The following CSMD1 variants were observed in gnomAD, a reference collection of about 807,000 sequenced individuals.
CSMD1 encodes the protein CUB and Sushi multiple domains 1.
CSMD1 carries 213 observed loss-of-function variants against 417.5 expected under a neutral mutation model. The observed-to-expected ratio is 0.51, with a 90% CI of 0.46 to 0.57. The LOEUF is 0.57. CSMD1 is among the 20% of genes least tolerant of loss of function. The probability of loss-of-function intolerance (pLI) is 0.00; values close to 1 mark genes in which losing one functional copy is unlikely to be tolerated. For synonymous variants in CSMD1, 2,862 were observed against 1,736.8 expected (o/e 1.65, Z -16.11); for missense variants, 6,923 against 4,529.7 (o/e 1.53, Z -15.17).
At chr8:3,966,786 T>A (rs527956373) in intron 5 of CSMD1, among the ~76,000 whole-genome samples, 7 of 152,072 alleles carry the variant, frequency 4.6e-5, no homozygotes, top group African/African-American at 1.7e-4. Context: ...GATTTATAGG[T>A]CTTAGATTAA....
chr8:3,616,831 A>G, intron 7 of CSMD1, 34 bp from the exon 8 acceptor site: 1 of 1,454,796 alleles, frequency 6.9e-7, no homozygotes, highest in Non-Finnish European at 9.5e-7. Context: ...AAAATGCTGT[A>G]TAGTTATTGA....
At chr8:4,034,757 A>G (rs1797529110) in intron 3 of CSMD1, among the ~76,000 whole-genome samples, 1 of 152,202 alleles carries the variant, frequency 6.6e-6, no homozygotes, top group South Asian at 2.1e-4. Flanking sequence ...ATAAATCAAC[A>G]TGTCTTCTTA....
rs112225732 is a variant in CSMD1, at chr8:3,930,458, C to G, written c.818+67445G>C. Among the ~76,000 whole-genome samples, 1,384 of 150,586 alleles carry G rather than the reference C, an allele frequency of 9.2e-3. 80 individuals are homozygous for G. The highest frequency in any genetic ancestry group is 0.03 in the African/African-American group (1,231 of 40,860). ...CTGTTCTTCTTCCTTATTTGAAGGT[C>G]TTTTTACCTTTCTCACCATTCCACA... On this transcript the variant is annotated intron_variant, in intron 5 of 69. Coordinates refer to ENST00000635120, the MANE Select transcript of CSMD1 (RefSeq NM_033225.6).
chr8:4,981,825 T>G (rs1453402339), intron 1 of CSMD1, among the ~76,000 whole-genome samples: 1 of 152,128 alleles, frequency 6.6e-6, no homozygotes, highest in African/African-American at 2.4e-5. Context: ...TGTGATTATG[T>G]GTACAGGATT....
chr8:3,783,844 T>C (rs771057167), intron 5 of CSMD1, among the ~76,000 whole-genome samples: 3 of 152,334 alleles, frequency 2.0e-5, no homozygotes, highest in Non-Finnish European at 4.4e-5. Flanking sequence ...TTAATATTGA[T>C]GGATGACTGT....
chr8:3,356,321 C>G (rs1359344873), intron 21 of CSMD1, among the ~76,000 whole-genome samples: 3 of 152,150 alleles, frequency 2.0e-5, no homozygotes, highest in African/African-American at 7.2e-5. Context: ...ATACACAGAA[C>G]TTAGGGATGA....
At chr8:4,573,956 G>A (rs987872156) in intron 2 of CSMD1, among the ~76,000 whole-genome samples, 1 of 152,130 alleles carries the variant, frequency 6.6e-6, no homozygotes, top group African/African-American at 2.4e-5. Flanking sequence ...CCTCAGTAAT[G>A]GCAGACATCC....
chr8:3,148,527 A>C (rs1313715134), intron 40 of CSMD1, among the ~76,000 whole-genome samples: 1 of 152,232 alleles, frequency 6.6e-6, no homozygotes. Context: ...ACGCTGCTTT[A>C]AAACTCATGT....
At chr8:4,386,664 T>C (rs995967555) in intron 3 of CSMD1, among the ~76,000 whole-genome samples, 18 of 152,280 alleles carry the variant, frequency 1.2e-4, no homozygotes, top group African/African-American at 4.3e-4. Flanking sequence ...TTCAGGAAGA[T>C]TACCTGATGA....
intron 3 of CSMD1, among the ~76,000 whole-genome samples, chr8:4,299,755 C>T (rs990958742): frequency 2.0e-5 from 3 of 151,986 alleles, no homozygotes; most frequent in Non-Finnish European, 2.9e-5. Flanking sequence ...CTCAGCCTCC[C>T]GAGTAGCTGA....
chr8:4,273,156 T>G (rs1318216673), intron 3 of CSMD1, among the ~76,000 whole-genome samples: 3 of 152,142 alleles, frequency 2.0e-5, no homozygotes, highest in Non-Finnish European at 4.4e-5. Context: ...ACTCTTACCT[T>G]TATCTTTTAA....
chr8:3,937,480 C>A (rs1433684775), intron 5 of CSMD1, among the ~76,000 whole-genome samples: 3 of 152,084 alleles, frequency 2.0e-5, no homozygotes, highest in Admixed American at 1.3e-4. Flanking sequence ...AGACCTTCCA[C>A]CAGCAAAAAG....
At position 3,450,657 on chromosome 8, in the gene CSMD1, TG is replaced by T. The variant is rs1420541029; in HGVS notation, c.1561+18054del. On this transcript the variant is annotated intron_variant, in intron 12 of 69. Coordinates refer to ENST00000635120, the MANE Select transcript of CSMD1 (RefSeq NM_033225.6). ...AAGGACATGAACTCATCATTTTTCA[TG>T]GCTGCGTAGTATTCCATGGTGTATA... 2.6e-5 allele frequency among the ~76,000 whole-genome samples: 4 copies of T among 152,282 alleles called. No homozygotes were observed. The East Asian group carries it at 7.7e-4, about 29-fold the overall frequency.
intron 3 of CSMD1, among the ~76,000 whole-genome samples, chr8:4,299,104 T>TTA (rs1563412156): frequency 6.6e-6 from 1 of 152,078 alleles, no homozygotes; most frequent in Non-Finnish European, 1.5e-5. Flanking sequence ...GGGAAGAAGG[T>TTA]GATAGAATAC....
chr8:4,859,667 C>T (rs1241533273), intron 1 of CSMD1, among the ~76,000 whole-genome samples: 1 of 152,036 alleles, frequency 6.6e-6, no homozygotes, highest in Non-Finnish European at 1.5e-5. Flanking sequence ...AAATGCTCAT[C>T]ATCCCTGGCC....
At chr8:3,713,474 G>C (rs1405888919) in intron 6 of CSMD1, among the ~76,000 whole-genome samples, 7 of 152,082 alleles carry the variant, frequency 4.6e-5, no homozygotes, top group Non-Finnish European at 1.0e-4. Context: ...GGAAAGCTCA[G>C]CCTGCTCCCC....
At chr8:4,970,502 T>C (rs927300633) in intron 1 of CSMD1, among the ~76,000 whole-genome samples, 9 of 152,120 alleles carry the variant, frequency 5.9e-5, no homozygotes, top group Admixed American at 5.9e-4. Flanking sequence ...TCTCATGGAA[T>C]AGAGGTTTCT....
intron 54 of CSMD1, among the ~76,000 whole-genome samples, chr8:2,986,231 C>G (rs769552364): frequency 1.3e-5 from 2 of 152,214 alleles, no homozygotes; most frequent in Non-Finnish European, 1.5e-5. Context: ...TCCCTGAGGA[C>G]TCACTGTCTG....
Position 4,834,936 on chromosome 8 carries a change from G to A in CSMD1, c.85+159396C>T, listed in dbSNP as rs568771553. On this transcript the variant is annotated intron_variant, in intron 1 of 69. Coordinates refer to ENST00000635120, the MANE Select transcript of CSMD1 (RefSeq NM_033225.6). ...GGCGCCACTGCACTCCAGCCTGGGC[G>A]ACAGGGCCAGACTCCATCTCAAAAA... is the stretch of plus-strand genomic sequence containing the variant. Among the ~76,000 whole-genome samples, 669 of 118,384 alleles carry A rather than the reference G, an allele frequency of 5.7e-3. 6 individuals are homozygous for A. The highest frequency in any genetic ancestry group is 0.02 in the African/African-American group (585 of 29,854). The allele number at this position is 118,384 out of a possible 152,430, so 77.7% of individuals were successfully genotyped here.
Sources: gnomAD v4.1 joint callset for allele counts (sites outside exome capture counted in the v4.1 genomes callset) on GRCh38, gnomAD v4.1.1 for gene constraint, MANE v1.5 for transcripts, NCBI Gene and HGNC (gene_info 2026-07-23, HGNC 2026-07-21) for gene names.